UROS: variants seen among roughly 807,000 people sequenced by gnomAD.
The protein encoded by UROS is uroporphyrinogen-III synthase.
In UROS, 18 loss-of-function variants were observed where a neutral mutation model predicts 33.0. The ratio of observed to expected loss-of-function variants is 0.55; its 90% confidence interval spans 0.38 to 0.81. UROS has a LOEUF of 0.81. UROS is among the 30% of genes least tolerant of loss of function. The pLI is 0.00. For missense variants in UROS, 293 were observed against 314.9 expected (o/e 0.93, Z 0.53); for synonymous variants, 114 against 121.1 (o/e 0.94, Z 0.38).
intron 6 of UROS, among the ~76,000 whole-genome samples, chr10:125,803,880 G>A (rs1375697482): frequency 2.0e-5 from 3 of 152,228 alleles, no homozygotes; most frequent in Non-Finnish European, 2.9e-5. Context: ...CCTGAGGGAG[G>A]GCCTGCCCTT....
At chr10:125,789,417 T>C (rs1850762405) in intron 9 of UROS, 1 of 1,106,218 alleles carries the variant, frequency 9.0e-7, no homozygotes, top group Non-Finnish European at 1.1e-6. Flanking sequence ...CCCAAGAAAG[T>C]AGAGCCATCA....
In UROS at chr10:125,816,221, C is replaced by G. The variant is rs931652031; in HGVS notation, c.103G>C (p.Val35Leu). ...AGAGACAAAAACTCAAACGATAAAA[C>G]AGGGATCAAAGTGGCTTCAAGTCCA... ...LYGLEATLIP[V>L]LSFEFLSLPS... Residue 35 changes from valine (V) to leucine (L), a missense_variant, in exon 3 of 10, where the codon GTT (valine) becomes CTT (leucine). Val to Leu is a conservative substitution (Grantham distance 32). Transcript: ENST00000368797. The G allele has an allele frequency of 6.2e-7, 1 of 1,614,208 alleles. No individual in the cohort carries two copies. The highest frequency in any genetic ancestry group is 8.5e-7 in the Non-Finnish European group (1 of 1,180,044).
chr10:125,809,998 C>T (rs568812366), intron 5 of UROS, among the ~76,000 whole-genome samples: 2 of 152,296 alleles, frequency 1.3e-5, no homozygotes, highest in Admixed American at 1.3e-4. Flanking sequence ...ATTCACTGGA[C>T]CCTTGTTTTC....
intron 6 of UROS, among the ~76,000 whole-genome samples, chr10:125,798,560 C>CCAGA (rs1379696038): frequency 5.3e-5 from 8 of 152,230 alleles, no homozygotes; most frequent in Non-Finnish European, 1.0e-4. Context: ...TAAAGAGGCT[C>CCAGA]CAGATGAGCC....
chr10:125,804,227 C>T (rs1852112719), intron 6 of UROS, among the ~76,000 whole-genome samples: 1 of 152,136 alleles, frequency 6.6e-6, no homozygotes, highest in South Asian at 2.1e-4. Context: ...CACCAGGGGT[C>T]AATGATTTAA....
At chr10:125,796,745 G>C in intron 7 of UROS, 1 of 969,732 alleles carries the variant, frequency 1.0e-6, no homozygotes, top group Non-Finnish European at 1.2e-6. Flanking sequence ...ATTCCCAGGG[G>C]TTTTCAGGGC....
At chr10:125,810,258 T>C (rs1261807147) in intron 5 of UROS, among the ~76,000 whole-genome samples, 4 of 152,116 alleles carry the variant, frequency 2.6e-5, no homozygotes, top group Non-Finnish European at 4.4e-5. Context: ...ACTTCCAAGA[T>C]TAGGTTATAA....
chr10:125,794,747 C>T, intron 9 of UROS, 133 bp downstream of exon 9: 4 of 804,202 alleles, frequency 5.0e-6, no homozygotes, highest in South Asian at 1.6e-5. Flanking sequence ...GGAGGTAGAG[C>T]TGCCCTTCCA....
In UROS at chr10:125,814,812, G is replaced by A. The variant is rs7098649; in HGVS notation, c.244+222C>T. Among the ~76,000 whole-genome samples, 1,198 of 152,252 alleles carry A rather than the reference G, an allele frequency of 7.9e-3. 21 individuals carry two copies. The highest frequency in any genetic ancestry group is 0.027 in the African/African-American group (1,107 of 41,526). ...TAAGGGGATATATCAGTCCCTAGGA[G>A]GTGAACAACGAATAGACAGGGGAAA... On this transcript the variant is annotated intron_variant, in intron 4 of 9. Coordinates refer to ENST00000368797, the MANE Select transcript of UROS (RefSeq NM_000375.3).
intron 6 of UROS, among the ~76,000 whole-genome samples, chr10:125,800,001 C>T (rs925362794): frequency 6.6e-6 from 1 of 152,166 alleles, no homozygotes; most frequent in Non-Finnish European, 1.5e-5. Context: ...AGGCTCTGCT[C>T]TCCGTTCGTT....
chr10:125,795,107 C>A (rs1408906349), intron 8 of UROS, 129 bp from the exon 9 acceptor site: 2 of 803,462 alleles, frequency 2.5e-6, no homozygotes, highest in Non-Finnish European at 4.3e-6. Context: ...GGAGTGGTTC[C>A]CGGCTGATGC....
Position 125,816,201 on chromosome 10 carries a change from C to T in UROS, c.123G>A (p.Leu41=). ...CCTTCTCAGAGAAACTGGGAAGAGA[C>T]AAAAACTCAAACGATAAAACAGGGA... ...TLIPVLSFEF[L]SLPSFSEKLS... The change falls in exon 3 of 10, where the codon TTG becomes TTA. Residue 41 remains leucine, a synonymous_variant. Transcript: ENST00000368797. 1.2e-6 allele frequency: 2 copies of T among 1,614,162 alleles called. No homozygotes were observed. Among genetic ancestry groups the T allele is most frequent in the Non-Finnish European group, 1.7e-6 (2 of 1,180,018 alleles).
intron 9 of UROS, chr10:125,794,407 T>G: frequency 4.1e-6 from 4 of 986,002 alleles, no homozygotes; most frequent in South Asian, 4.1e-5. Flanking sequence ...GACACAAGAG[T>G]TGTGGTTATT....
chr10:125,804,706 A>AG (rs1487630943), intron 6 of UROS, among the ~76,000 whole-genome samples: 1 of 152,222 alleles, frequency 6.6e-6, no homozygotes, highest in Admixed American at 6.5e-5. Context: ...CATTGATATG[A>AG]GGAAAAACCC....
At chr10:125,788,090 G>C (rs1850683288), downstream of UROS, among the ~76,000 whole-genome samples, 1 of 152,194 alleles carries the variant, frequency 6.6e-6, no homozygotes, top group Admixed American at 6.5e-5. Context: ...GATCTTTCAA[G>C]GAGACAGAGG....
rs1203398698 is a variant in UROS, at chr10:125,788,621, C to G, written c.*247G>C. 1.4e-6 allele frequency: 2 copies of G among 1,404,986 alleles called. No individual in the cohort carries two copies. The highest frequency in any genetic ancestry group is 1.8e-6 in the Non-Finnish European group (2 of 1,082,572). 87.0% of individuals were successfully genotyped at this position (1,404,986 alleles called of 1,614,324 possible). A position where few individuals can be genotyped will look rare whatever the true frequency, so the allele number is the denominator to read the frequency against. On this transcript the variant is annotated 3_prime_UTR_variant, in exon 10 of 10. Coordinates refer to ENST00000368797, the MANE Select transcript of UROS (RefSeq NM_000375.3). ...CAGTGTGGTTTATTTGACTTCCTTC[C>G]TGCTGGGCACAGGAAGCTCTCACAG... is the stretch of plus-strand genomic sequence containing the variant.
At chr10:125,798,024 T>C in intron 7 of UROS, 41 bp downstream of exon 7, 2 of 1,609,594 alleles carry the variant, frequency 1.2e-6, no homozygotes, top group East Asian at 4.5e-5. Context: ...TCCTGGTGGA[T>C]CCCAAAGTGG....
In UROS at chr10:125,819,687, G is replaced by A. The variant is rs146148065; in HGVS notation, c.-26-3162C>T. ...TCAGAGGCACTATATGGCCCTCCTT[G>A]ATAGGAGGCTTGAGACTGGTGAGGC... On this transcript the variant is annotated intron_variant, in intron 1 of 9. Transcript: ENST00000368797. The A allele has an allele frequency of 1.3e-3, 206 of 153,070 alleles. 4 individuals are homozygous for A. The South Asian group carries it at 0.027, about 20-fold the overall frequency. The allele number at this position is 153,070 out of a possible 1,614,324, so 9.5% of individuals were successfully genotyped here. A position where few individuals can be genotyped will look rare whatever the true frequency, so the allele number is the denominator to read the frequency against.
chr10:125,822,668 G>A (rs188942224), intron 1 of UROS, among the ~76,000 whole-genome samples: 1 of 152,152 alleles, frequency 6.6e-6, no homozygotes, highest in South Asian at 2.1e-4. Context: ...ATGTTGGCCA[G>A]GCTGGTCTCG....
Sources: gnomAD v4.1 joint callset for allele counts (sites outside exome capture counted in the v4.1 genomes callset) on GRCh38, gnomAD v4.1.1 for gene constraint, MANE v1.5 for transcripts, NCBI Gene and HGNC (gene_info 2026-07-23, HGNC 2026-07-21) for gene names.